CCDC61: variants seen among roughly 807,000 people sequenced by gnomAD.
CCDC61 encodes the protein coiled-coil domain containing 61.
A neutral mutation model predicts 63.0 loss-of-function variants in CCDC61; 55 were observed. The ratio of observed to expected loss-of-function variants is 0.87; its 90% confidence interval spans 0.70 to 1.09. The LOEUF is 1.09. Among genes scored for constraint, CCDC61 ranks in the 50% least tolerant of loss-of-function variants. CCDC61 has a pLI of 0.00. For missense variants in CCDC61, 651 were observed against 731.4 expected (o/e 0.89, Z 1.27); for synonymous variants, 270 against 317.0 (o/e 0.85, Z 1.58).
Position 46,016,420 on chromosome 19 carries a change from CCCCTGT to C in CCDC61, c.1091+33_1091+38del. 6.2e-7 allele frequency: 1 copy of C among 1,610,398 alleles called. No homozygotes were observed. Among genetic ancestry groups the C allele is most frequent in the Non-Finnish European group, 8.5e-7 (1 of 1,177,786 alleles). ...TCAGTGCCCCTTCCTCCCTCACCTG[CCCCTGT>C]CCCTGGCCCGTGCCCGCTCCCGGGC... On this transcript the variant is annotated intron_variant, in intron 9 of 13. Coordinates refer to ENST00000595358, the MANE Select transcript of CCDC61 (RefSeq NM_001267723.2). The surrounding 1 kb of genome is among the most constrained non-coding windows in gnomAD (Gnocchi z 7.2).
intron 1 of CCDC61, among the ~76,000 whole-genome samples, chr19:46,001,383 C>A (rs1372499284): frequency 2.6e-5 from 4 of 152,096 alleles, no homozygotes; most frequent in Non-Finnish European, 4.4e-5. Context: ...CCTGCCACCA[C>A]GCCCAGCTAA....
rs2287305 is a variant in CCDC61, at chr19:46,008,290, T to A, written c.540T>A (p.His180Gln). Residue 180 changes from histidine to glutamine, a missense_variant, in exon 5 of 14, where the codon CAT becomes CAA. His to Gln is a conservative substitution (Grantham distance 24). Transcript: ENST00000595358. ...ACACCCGGGAGAATGAGATCTGGCA[T>A]CTGCGGGAGCAGTGAGTCTTGGAGG... ...TRDTRENEIW[H>Q]LREQVSRLAS... is the part of the protein sequence containing the mutation. 8 of 1,606,528 alleles carry A rather than the reference T, an allele frequency of 5.0e-6. No individual in the cohort carries two copies. The African/African-American group carries it at 1.1e-4, about 22-fold the overall frequency.
chr19:45,998,000 C>T (rs752266613), intron 1 of CCDC61, among the ~76,000 whole-genome samples: 1 of 152,190 alleles, frequency 6.6e-6, no homozygotes, highest in Non-Finnish European at 1.5e-5. Flanking sequence ...ACATCAATTA[C>T]TGTTGGTTTA....
chr19:46,010,356 G>A (rs1293108819), intron 5 of CCDC61, among the ~76,000 whole-genome samples: 1 of 152,214 alleles, frequency 6.6e-6, no homozygotes, highest in Non-Finnish European at 1.5e-5. Context: ...TCTGCCCCCA[G>A]AAAGGTGGGA....
Position 45,998,358 on chromosome 19 carries a change from T to A in CCDC61, c.-12+2854T>A, listed in dbSNP as rs541194939. On this transcript the variant is annotated intron_variant, in intron 1 of 13. Coordinates refer to ENST00000595358, the MANE Select transcript of CCDC61 (RefSeq NM_001267723.2). ...GGACCCGACCTAGGAAGCTGCATTT[T>A]CATAAGCACTTGTGGTAAGGATTAT... Among the ~76,000 whole-genome samples the A allele has an allele frequency of 7.2e-5, 11 of 152,338 alleles. No individual in the cohort carries two copies. In the South Asian group the frequency reaches 2.3e-3, roughly 32 times the overall value.
At chr19:46,014,989 TG>T in intron 5 of CCDC61, 59 bp from the exon 6 acceptor site, 1 of 1,348,788 alleles carries the variant, frequency 7.4e-7, no homozygotes, top group Admixed American at 2.2e-5. Context: ...CCCACCCCCA[TG>T]GAGTAGTGGG....
chr19:46,006,257 T>C (rs1215502173), intron 3 of CCDC61, among the ~76,000 whole-genome samples: 1 of 152,212 alleles, frequency 6.6e-6, no homozygotes, highest in Non-Finnish European at 1.5e-5. Flanking sequence ...GAAAGTAGCT[T>C]TGACCTCAGT....
chr19:46,003,655 C>T (rs1482945620), intron 3 of CCDC61, 154 bp downstream of exon 3: 1 of 528,704 alleles, frequency 1.9e-6, no homozygotes, highest in East Asian at 3.0e-5. Flanking sequence ...AGTGTAAATG[C>T]TTCATTTTGA....
rs917165046 is a variant in CCDC61 at position 46,015,898 on chromosome 19, G to T, written c.846-156G>T. Among the ~76,000 whole-genome samples, 2 of 151,966 alleles carry T rather than the reference G, an allele frequency of 1.3e-5. No individual in the cohort carries two copies. The highest frequency in any genetic ancestry group is 2.4e-5 in the African/African-American group (1 of 41,362). The stretch of plus-strand genomic sequence containing the variant: ...AGGGGTCCAATTGGGTGAGGTCTGG[G>T]GGGGAAGATATCGAGAGGGTCATGG... On this transcript the variant is annotated intron_variant, in intron 7 of 13. Coordinates refer to ENST00000595358, the MANE Select transcript of CCDC61 (RefSeq NM_001267723.2). The surrounding 1 kb of genome is among the most constrained non-coding windows in gnomAD (Gnocchi z 5.3).
intron 1 of CCDC61, among the ~76,000 whole-genome samples, chr19:45,998,568 T>A (rs1483894841): frequency 1.3e-5 from 2 of 152,132 alleles, no homozygotes; most frequent in African/African-American, 4.8e-5. Context: ...ACCTTGGCTG[T>A]ATCCCCAGTG....
chr19:46,016,005 G>T lies in CCDC61; in HGVS notation c.846-49G>T. The T allele has an allele frequency of 8.1e-7, 1 of 1,232,476 alleles. No individual in the cohort carries two copies. Among genetic ancestry groups the T allele is most frequent in the South Asian group, 4.1e-5 (1 of 24,358 alleles). The allele number at this position is 1,232,476 out of a possible 1,614,324, so 76.3% of individuals were successfully genotyped here. ...GCGGTCGGGGAGGAGTCTCGCGATT[G>T]AGTTTGTCGGGGCGGGCGGGAAGCT... On this transcript the variant is annotated intron_variant, in intron 7 of 13. Coordinates refer to ENST00000595358, the MANE Select transcript of CCDC61 (RefSeq NM_001267723.2). The surrounding 1 kb of genome is among the most constrained non-coding windows in gnomAD (Gnocchi z 7.2).
At position 46,016,800 on chromosome 19, in the gene CCDC61, G is replaced by A; in HGVS notation, c.1198G>A (p.Ala400Thr). 1 of 1,525,998 alleles carries A rather than the reference G, an allele frequency of 6.6e-7. No individual in the cohort carries two copies. The highest frequency in any genetic ancestry group is 8.8e-7 in the Non-Finnish European group (1 of 1,136,220). 94.5% of individuals were successfully genotyped at this position (1,525,998 alleles called of 1,614,324 possible). A position where few individuals can be genotyped will look rare whatever the true frequency, so the allele number is the denominator to read the frequency against. The change falls in exon 10 of 14, where the codon GCC (alanine) becomes ACC (threonine). Residue 400 changes from alanine (A) to threonine (T), a missense_variant. By Grantham distance (58) the Ala-to-Thr change is moderately conservative. Transcript: ENST00000595358. The surrounding 1 kb of genome is among the most constrained non-coding windows in gnomAD (Gnocchi z 7.2). ...PPAALTGRGD[A>T]PNRSRNRSSS... ...TGCTGCCTTGACTGGCCGAGGGGAC[G>A]CCCCTAACCGCTCCCGAAACCGCAG...
chr19:45,997,775 C>T (rs1006648529), intron 1 of CCDC61, among the ~76,000 whole-genome samples: 2 of 152,160 alleles, frequency 1.3e-5, no homozygotes, highest in Non-Finnish European at 2.9e-5. Context: ...CAACCTACGC[C>T]TCCCAAGTTC....
rs1437165602 is a variant in CCDC61, at chr19:46,006,446, G to T, written c.232-113G>T. On this transcript the variant is annotated intron_variant, in intron 3 of 13. Transcript: ENST00000595358. Reference sequence around the variant, plus strand: ...ATGTTGATTGCCAGCCTTCGCGTAGGAAAGCCTAGCCCGCCTAGAGAACGG... The same window carrying T: ...ATGTTGATTGCCAGCCTTCGCGTAGTAAAGCCTAGCCCGCCTAGAGAACGG... 2.6e-5 allele frequency: 28 copies of T among 1,063,220 alleles called. No homozygotes were observed. The East Asian group carries it at 6.5e-4, about 25-fold the overall frequency. 65.9% of individuals were successfully genotyped at this position (1,063,220 alleles called of 1,614,324 possible).
intron 5 of CCDC61, among the ~76,000 whole-genome samples, 160 bp from the exon 6 acceptor site, chr19:46,014,889 G>A (rs1472064627): frequency 1.3e-5 from 2 of 152,178 alleles, no homozygotes; most frequent in African/African-American, 4.8e-5. Context: ...ACGTCGCAGG[G>A]GATATGATAG....
intron 3 of CCDC61, among the ~76,000 whole-genome samples, chr19:46,005,699 T>C (rs770002440): frequency 2.6e-5 from 4 of 152,178 alleles, no homozygotes; most frequent in Non-Finnish European, 5.9e-5. Flanking sequence ...GTTAGCTGTT[T>C]TTCTTGAAGT....
At chr19:46,002,927 C>A in intron 1 of CCDC61, 81 bp from the exon 2 acceptor site, 2 of 1,379,276 alleles carry the variant, frequency 1.5e-6, no homozygotes, top group Non-Finnish European at 2.0e-6. Flanking sequence ...AATGATGGAG[C>A]CAGGATATGA....
rs753477309 is a variant in CCDC61 at position 46,003,054 on chromosome 19, C to T, written c.36C>T (p.Val12=). Residue 12 remains valine (V), a synonymous_variant, in exon 2 of 14, where the codon GTC becomes GTT. Coordinates refer to ENST00000595358, the MANE Select transcript of CCDC61 (RefSeq NM_001267723.2). ...CGGCTGGCCTGCAGGTGGACTACGT[C>T]TTCCGGGGTGTGGAGCATGCCGTGC... The part of the protein sequence containing the change: ...DQPAGLQVDY[V]FRGVEHAVRV... 2.9e-5 allele frequency: 46 copies of T among 1,592,544 alleles called. No individual in the cohort carries two copies. Among genetic ancestry groups the T allele is most frequent in the Non-Finnish European group, 3.8e-5 (45 of 1,169,540 alleles).
chr19:46,001,236 G>GT (rs917257548), intron 1 of CCDC61, among the ~76,000 whole-genome samples: 3 of 152,174 alleles, frequency 2.0e-5, no homozygotes, highest in East Asian at 1.9e-4. Context: ...TTATTTATTT[G>GT]TTTTTTCTGA....
Sources: allele counts gnomAD v4.1 joint callset (sites outside exome capture counted in the v4.1 genomes callset), GRCh38; gene constraint gnomAD v4.1.1; non-coding constraint Gnocchi (gnomAD v3.1); transcripts MANE v1.5; gene names NCBI Gene and HGNC (gene_info 2026-07-23, HGNC 2026-07-21).